The following PRKCB variants were observed in gnomAD, a reference collection of about 807,000 sequenced individuals.
PRKCB encodes protein kinase C beta.
Under a neutral mutation model 81.5 loss-of-function variants are expected in PRKCB, and 13 were observed. That is an observed-to-expected ratio of 0.16 (90% CI 0.10 to 0.25). PRKCB has a LOEUF of 0.25. Ranked by LOEUF, PRKCB falls within the 10% of genes least tolerant of loss-of-function variation. The probability of loss-of-function intolerance (pLI) is 1.00; values close to 1 mark genes in which losing one functional copy is unlikely to be tolerated. For missense variants in PRKCB, 509 were observed against 875.7 expected (o/e 0.58, Z 5.29); for synonymous variants, 335 against 321.4 (o/e 1.04, Z -0.45).
At chr16:23,848,721 G>A (rs529581141) in intron 2 of PRKCB, among the ~76,000 whole-genome samples, 2 of 152,160 alleles carry the variant, frequency 1.3e-5, no homozygotes, top group African/African-American at 4.8e-5. Flanking sequence ...TTGACTTCTT[G>A]CTGTGGGACC....
intron 5 of PRKCB, among the ~76,000 whole-genome samples, chr16:24,059,143 T>C (rs1965941609): frequency 6.6e-6 from 1 of 152,156 alleles, no homozygotes; most frequent in South Asian, 2.1e-4. Context: ...GGTGACTGTG[T>C]CCAGTAGGCA....
At chr16:24,063,614 G>C (rs781728266) in intron 5 of PRKCB, among the ~76,000 whole-genome samples, 3 of 152,068 alleles carry the variant, frequency 2.0e-5, no homozygotes, top group Non-Finnish European at 4.4e-5. Context: ...CTTTCACTGG[G>C]TTCCATTTTT....
At chr16:23,869,530 C>T (rs8061523) in intron 2 of PRKCB, among the ~76,000 whole-genome samples, 147,233 of 152,324 alleles carry the variant, frequency 0.97, 71,191 homozygotes, top group East Asian at 1. Flanking sequence ...TCAGTCTTCC[C>T]TAATATTCCA....
Position 24,219,319 on chromosome 16 carries a change from CTT to C in PRKCB, c.*4504_*4505del, listed in dbSNP as rs1403943182. On this transcript the variant is annotated 3_prime_UTR_variant, in exon 17 of 17. Transcript: ENST00000643927. ...CTCCTTTAAGCTTTGGGTTTTCTCT[CTT>C]ATAGTTTGTTGACACATGCTAAAAA... The C allele has an allele frequency of 2.1e-6, 2 of 958,508 alleles. No individual in the cohort carries two copies. Among genetic ancestry groups the C allele is most frequent in the African/African-American group, 4.3e-5 (2 of 46,826 alleles). The allele number at this position is 958,508 out of a possible 1,614,324, so 59.4% of individuals were successfully genotyped here. A position where few individuals can be genotyped will look rare whatever the true frequency, so the allele number is the denominator to read the frequency against.
rs1192906884 is a variant in PRKCB, at chr16:23,881,965, C to CCTTT, written c.205+44615_205+44618dup. On this transcript the variant is annotated intron_variant, in intron 2 of 16. Transcript: ENST00000643927. ...GCTGGTTTCTTCCTTTTTTTCTTTT[C>CCTTT]CTTTCTTTCTTTCTTTCTTTCTTTC... 9.5e-3 allele frequency among the ~76,000 whole-genome samples: 664 copies of CCTTT among 70,120 alleles called. 51 individuals carry two copies. Among genetic ancestry groups the CCTTT allele is most frequent in the African/African-American group, 0.016 (356 of 22,946 alleles). The allele number at this position is 70,120 out of a possible 152,430, so 46.0% of individuals were successfully genotyped here.
chr16:24,078,759 C>A (rs1312307822), intron 5 of PRKCB, among the ~76,000 whole-genome samples: 1 of 152,174 alleles, frequency 6.6e-6, no homozygotes, highest in Non-Finnish European at 1.5e-5. Context: ...GGGAAATGGT[C>A]TCTAGACTTG....
chr16:24,194,312 C>T (rs1473936834), intron 16 of PRKCB, among the ~76,000 whole-genome samples: 1 of 151,650 alleles, frequency 6.6e-6, no homozygotes, highest in African/African-American at 2.4e-5. Context: ...GGTGACAGAG[C>T]AAGACTCCGT....
chr16:24,071,941 C>G (rs965142285), intron 5 of PRKCB, among the ~76,000 whole-genome samples: 1 of 152,144 alleles, frequency 6.6e-6, no homozygotes. Flanking sequence ...TCCAGGATCT[C>G]AGCAAGGATG....
chr16:23,887,902 A>G lies in PRKCB; in HGVS notation c.205+50496A>G, dbSNP rs1963229666. 2.0e-5 allele frequency among the ~76,000 whole-genome samples: 3 copies of G among 152,262 alleles called. No homozygotes were observed. The South Asian group carries it at 6.2e-4, about 32-fold the overall frequency. ...GGCCAGCAGGCAGAATGCTTGAAGG[A>G]TTCTCCAGCTGGGGGTGCTGGGCCC... On this transcript the variant is annotated intron_variant, in intron 2 of 16. Coordinates refer to ENST00000643927, the MANE Select transcript of PRKCB (RefSeq NM_002738.7).
intron 3 of PRKCB, among the ~76,000 whole-genome samples, chr16:24,002,320 T>TGTGC (rs201743545): frequency 8.0e-6 from 1 of 125,094 alleles, no homozygotes; most frequent in Non-Finnish European, 1.8e-5. Flanking sequence ...TGTATGTGTG[T>TGTGC]GTGCGTGCGT....
At chr16:24,054,717 C>A (rs113464743) in intron 5 of PRKCB, among the ~76,000 whole-genome samples, 7 of 152,306 alleles carry the variant, frequency 4.6e-5, no homozygotes, top group African/African-American at 1.7e-4. Context: ...GTTGACAGCT[C>A]ATTTATGTGA....
chr16:23,981,331 C>T (rs1964699500), intron 2 of PRKCB, among the ~76,000 whole-genome samples: 1 of 152,108 alleles, frequency 6.6e-6, no homozygotes, highest in South Asian at 2.1e-4. Context: ...GAGTCTCTTC[C>T]CTCCCTCCTA....
intron 16 of PRKCB, among the ~76,000 whole-genome samples, chr16:24,211,057 G>C (rs1968131433): frequency 6.6e-6 from 1 of 152,052 alleles, no homozygotes; most frequent in African/African-American, 2.4e-5. Flanking sequence ...TTTACCGAGG[G>C]GTCATCCTTC....
At chr16:24,194,172 CA>C (rs1463301277) in intron 16 of PRKCB, among the ~76,000 whole-genome samples, 1 of 151,936 alleles carries the variant, frequency 6.6e-6, no homozygotes, top group Admixed American at 6.6e-5. Context: ...ACTAAAAATA[CA>C]AAAATTAGCT....
chr16:24,189,330 G>A (rs1433352096), intron 15 of PRKCB, among the ~76,000 whole-genome samples: 1 of 152,146 alleles, frequency 6.6e-6, no homozygotes, highest in East Asian at 1.9e-4. Flanking sequence ...GATCAGGGAA[G>A]CTCATGCATG....
intron 3 of PRKCB, among the ~76,000 whole-genome samples, chr16:24,025,681 G>A (rs1261140366): frequency 6.6e-6 from 1 of 152,196 alleles, no homozygotes; most frequent in Non-Finnish European, 1.5e-5. Context: ...GTTCACAGCT[G>A]TATCCCCAAT....
At chr16:23,984,356 C>G (rs996066565) in intron 2 of PRKCB, among the ~76,000 whole-genome samples, 4 of 152,102 alleles carry the variant, frequency 2.6e-5, no homozygotes, top group Non-Finnish European at 5.9e-5. Flanking sequence ...AGGTAGTGTA[C>G]CTAGTCTTAG....
chr16:23,893,909 GT>G (rs1338038614), intron 2 of PRKCB: 1 of 152,184 alleles, frequency 6.6e-6, no homozygotes, highest in East Asian at 1.9e-4. Flanking sequence ...CTAAGGATAA[GT>G]TCATGTATTA....
chr16:23,982,122 C>T (rs1964737272), intron 2 of PRKCB, among the ~76,000 whole-genome samples: 1 of 38,262 alleles, frequency 2.6e-5, no homozygotes, highest in African/African-American at 1.4e-4. Flanking sequence ...CTTTCCCTTC[C>T]CCTTCCCTTC....
Sources: gnomAD v4.1 joint callset for allele counts (sites outside exome capture counted in the v4.1 genomes callset) on GRCh38, gnomAD v4.1.1 for gene constraint, MANE v1.5 for transcripts, NCBI Gene and HGNC (gene_info 2026-07-23, HGNC 2026-07-21) for gene names.